The following HSDL2 variants were observed in gnomAD, a reference collection of about 807,000 sequenced individuals.
HSDL2 encodes hydroxysteroid dehydrogenase-like protein 2.
A neutral mutation model predicts 46.3 loss-of-function variants in HSDL2; 27 were observed. The ratio of observed to expected loss-of-function variants is 0.58; its 90% CI spans 0.43 to 0.80. The LOEUF (loss-of-function observed/expected upper bound fraction) is 0.80. HSDL2 is among the 30% of genes least tolerant of loss of function. The probability of loss-of-function intolerance (pLI) is 0.00; values close to 1 mark genes in which losing one functional copy is unlikely to be tolerated. For missense variants in HSDL2, 451 were observed against 502.7 expected (o/e 0.90, Z 0.98); for synonymous variants, 153 against 163.6 (o/e 0.94, Z 0.50).
At chr9:112,415,297 A>G (rs1377443854) in intron 4 of HSDL2, among the ~76,000 whole-genome samples, 4 of 152,230 alleles carry the variant, frequency 2.6e-5, no homozygotes, top group Non-Finnish European at 5.9e-5. Context: ...AGATGAAATA[A>G]ATCAGCATAC....
chr9:112,382,012 C>T (rs1354997281), intron 1 of HSDL2, among the ~76,000 whole-genome samples: 3 of 152,080 alleles, frequency 2.0e-5, no homozygotes, highest in African/African-American at 7.2e-5. Flanking sequence ...CCGAGGCGGG[C>T]GGATCACTGG....
chr9:112,407,764 CAT>C (rs1394955633), intron 3 of HSDL2, among the ~76,000 whole-genome samples: 1 of 152,120 alleles, frequency 6.6e-6, no homozygotes, highest in East Asian at 1.9e-4. Flanking sequence ...ATACACATAA[CAT>C]AAAATTTACC....
chr9:112,384,618 A>G (rs967459224), intron 1 of HSDL2, among the ~76,000 whole-genome samples: 3 of 151,784 alleles, frequency 2.0e-5, no homozygotes, highest in Non-Finnish European at 2.9e-5. Context: ...CGCTGCCATG[A>G]GCTGTTGAGG....
At chr9:112,416,065 C>T (rs934911031) in intron 4 of HSDL2, among the ~76,000 whole-genome samples, 2 of 150,808 alleles carry the variant, frequency 1.3e-5, no homozygotes, top group African/African-American at 4.9e-5. Flanking sequence ...GCGATTGTGC[C>T]ACTTCACTCC....
At chr9:112,438,069 C>T (rs1346365861) in intron 6 of HSDL2, among the ~76,000 whole-genome samples, 4 of 151,960 alleles carry the variant, frequency 2.6e-5, no homozygotes, top group Admixed American at 6.6e-5. Context: ...GGTGAAACCC[C>T]GTTTCTATTA....
Position 112,441,730 on chromosome 9 carries a change from T to C in HSDL2, c.825T>C (p.Asp275=). ...GHPLQPDFFL[D]EYPEAVSKKV... is the part of the protein sequence containing the mutation. ...CTTTGCAACCAGATTTCTTCTTAGA[T>C]GAATACCCAGAAGCAGTTAGCAAGA... is the stretch of plus-strand genomic sequence containing the variant. The change falls in exon 8 of 11, where the codon GAT becomes GAC. Residue 275 remains aspartate (D), a synonymous_variant. Coordinates refer to ENST00000398805, the MANE Select transcript of HSDL2 (RefSeq NM_032303.5). The C allele has an allele frequency of 6.2e-7, 1 of 1,613,058 alleles. No homozygotes were observed. Among genetic ancestry groups the C allele is most frequent in the Non-Finnish European group, 8.5e-7 (1 of 1,179,168 alleles).
chr9:112,392,259 G>C (rs1320459949), intron 1 of HSDL2, among the ~76,000 whole-genome samples: 2 of 152,202 alleles, frequency 1.3e-5, no homozygotes, highest in African/African-American at 2.4e-5. Flanking sequence ...TGAGGGAACA[G>C]GACAAAGGGA....
At chr9:112,449,592 G>A (rs13288152) in intron 8 of HSDL2, among the ~76,000 whole-genome samples, 145,345 of 152,088 alleles carry the variant, frequency 0.96, 69,513 homozygotes, top group African/African-American at 0.98. Context: ...GGCCGGGTGC[G>A]GTGGCTCATG....
intron 6 of HSDL2, among the ~76,000 whole-genome samples, chr9:112,425,815 C>A (rs1809629138): frequency 6.6e-6 from 1 of 150,794 alleles, no homozygotes; most frequent in Non-Finnish European, 1.5e-5. Context: ...GCAGCCTTGA[C>A]CTCCTGGGCT....
chr9:112,463,578 A>G (rs767754192), intron 10 of HSDL2, among the ~76,000 whole-genome samples: 13 of 152,176 alleles, frequency 8.5e-5, no homozygotes, highest in Non-Finnish European at 1.8e-4. Flanking sequence ...GGGTTAACTC[A>G]TAGGTAGTAC....
At chr9:112,448,329 T>C (rs1832794394) in intron 8 of HSDL2, among the ~76,000 whole-genome samples, 1 of 152,178 alleles carries the variant, frequency 6.6e-6, no homozygotes, top group South Asian at 2.1e-4. Flanking sequence ...TTATCCTTAT[T>C]TTATTCTTAA....
chr9:112,450,626 C>CA lies in HSDL2; in HGVS notation c.866-3371dup, dbSNP rs56114018. Among the ~76,000 whole-genome samples the CA allele has an allele frequency of 1.3e-3, 159 of 120,652 alleles. 9 individuals are homozygous for CA. Among genetic ancestry groups the CA allele is most frequent in the East Asian group, 5.3e-3 (23 of 4,314 alleles). The allele number at this position is 120,652 out of a possible 152,430, so 79.2% of individuals were successfully genotyped here. A position where few individuals can be genotyped will look rare whatever the true frequency, so the allele number is the denominator to read the frequency against. ...CCTAGGTGACAGAGCAAGACTGCCT[C>CA]AAAAAAAAAAAAAAAAGTATAGAAC... On this transcript the variant is annotated intron_variant, in intron 8 of 10. Transcript: ENST00000398805.
At chr9:112,432,125 A>G (rs889721357) in intron 6 of HSDL2, among the ~76,000 whole-genome samples, 4 of 151,946 alleles carry the variant, frequency 2.6e-5, no homozygotes, top group South Asian at 2.1e-4. Flanking sequence ...CAGGTGATCC[A>G]CCCACCTAGG....
chr9:112,457,170 G>C (rs1427163804), intron 9 of HSDL2, among the ~76,000 whole-genome samples: 1 of 151,704 alleles, frequency 6.6e-6, no homozygotes, highest in Admixed American at 6.6e-5. Context: ...AAAAAAAAAT[G>C]GAGGAAATCA....
chr9:112,380,152 T>C lies in HSDL2; in HGVS notation c.-12T>C. 6.4e-7 allele frequency: 1 copy of C among 1,569,976 alleles called. No homozygotes were observed. The highest frequency in any genetic ancestry group is 8.6e-7 in the Non-Finnish European group (1 of 1,156,614). On this transcript the variant is annotated 5_prime_UTR_variant, in exon 1 of 11. Transcript: ENST00000398805. Reference sequence around the variant, plus strand: ...CCGCTGTCGCCGCCACCTCCTCTGATCTACGAAAGTCATGTTACCCAACAC... The same window carrying C: ...CCGCTGTCGCCGCCACCTCCTCTGACCTACGAAAGTCATGTTACCCAACAC...
rs528235685 is a variant in HSDL2, at chr9:112,417,766, A to G, written c.499+822A>G. On this transcript the variant is annotated intron_variant, in intron 5 of 10. Coordinates refer to ENST00000398805, the MANE Select transcript of HSDL2 (RefSeq NM_032303.5). ...TACTAGCAGTAGTTTCCCTTTAAAT[A>G]AACACTTTCATTCTTAAAAAAAAAA... 1.9e-3 allele frequency among the ~76,000 whole-genome samples: 282 copies of G among 150,600 alleles called. 1 individual carries two copies. The highest frequency in any genetic ancestry group is 2.1e-3 in the Non-Finnish European group (143 of 67,730).
At chr9:112,466,302 T>C (rs552947181) in intron 10 of HSDL2, among the ~76,000 whole-genome samples, 32 of 152,242 alleles carry the variant, frequency 2.1e-4, no homozygotes, top group Non-Finnish European at 4.3e-4. Flanking sequence ...CCTGTAATCC[T>C]AGCACTTTGG....
At chr9:112,455,534 T>C (rs7854093) in intron 9 of HSDL2, among the ~76,000 whole-genome samples, 145,493 of 152,240 alleles carry the variant, frequency 0.96, 69,588 homozygotes, top group African/African-American at 0.98. Flanking sequence ...TGTATCCAGG[T>C]TGCAAAGTTT....
intron 6 of HSDL2, among the ~76,000 whole-genome samples, chr9:112,435,247 A>G (rs182851407): frequency 2.0e-5 from 3 of 152,182 alleles, no homozygotes; most frequent in Admixed American, 6.5e-5. Flanking sequence ...CACACACAGC[A>G]TGTATATACT....
Sources: gnomAD v4.1 joint callset for allele counts (sites outside exome capture counted in the v4.1 genomes callset) on GRCh38, gnomAD v4.1.1 for gene constraint, MANE v1.5 for transcripts, NCBI Gene and HGNC (gene_info 2026-07-23, HGNC 2026-07-21) for gene names.